Variants in MRPL13 observed in about 807,000 individuals in gnomAD.
MRPL13 encodes large ribosomal subunit protein uL13m.
MRPL13 carries 33 observed loss-of-function variants against 29.0 expected under a neutral mutation model. That is an observed-to-expected ratio of 1.14 (90% confidence interval 0.86 to 1.52). MRPL13 has a LOEUF of 1.52. Ranked by LOEUF, MRPL13 falls within the 40% of genes most tolerant of loss-of-function variation. The pLI, the probability that MRPL13 is intolerant of heterozygous loss-of-function variation, is 0.00. For synonymous variants in MRPL13, 77 were observed against 68.4 expected (o/e 1.13, Z -0.62); for missense variants, 227 against 216.7 (o/e 1.05, Z -0.30).
chr8:120,405,444 G>C (rs1812655380), intron 6 of MRPL13, among the ~76,000 whole-genome samples: 1 of 152,186 alleles, frequency 6.6e-6, no homozygotes, highest in Non-Finnish European at 1.5e-5. Flanking sequence ...CTTATTCTGT[G>C]GAGGGGCTCA....
At chr8:120,443,660 G>C (rs1813160378) in intron 1 of MRPL13, among the ~76,000 whole-genome samples, 1 of 150,840 alleles carries the variant, frequency 6.6e-6, no homozygotes, top group African/African-American at 2.4e-5. Flanking sequence ...AATCTGGAGG[G>C]GCAATGAGAA....
intron 2 of MRPL13, among the ~76,000 whole-genome samples, chr8:120,440,500 G>A (rs969832063): frequency 3.9e-5 from 6 of 151,900 alleles, no homozygotes; most frequent in African/African-American, 1.5e-4. Flanking sequence ...GGCTTCTCGG[G>A]AGGCTAAAGC....
chr8:120,408,860 T>A (rs977459782), intron 6 of MRPL13, among the ~76,000 whole-genome samples: 1 of 152,250 alleles, frequency 6.6e-6, no homozygotes, highest in African/African-American at 2.4e-5. Context: ...CTTAAATCCG[T>A]GCTCTCTTCT....
chr8:120,414,242 T>A (rs1563772862), intron 5 of MRPL13, 130 bp from the exon 6 acceptor site: 2 of 762,934 alleles, frequency 2.6e-6, no homozygotes, highest in Non-Finnish European at 3.6e-6. Context: ...ATAAAATCTT[T>A]AAAATAAAAA....
At chr8:120,401,896 C>T (rs1473544837) in intron 6 of MRPL13, among the ~76,000 whole-genome samples, 2 of 152,134 alleles carry the variant, frequency 1.3e-5, no homozygotes, top group East Asian at 3.9e-4. Flanking sequence ...AACTCCCATT[C>T]ACAATTGCTA....
chr8:120,410,242 G>A (rs1812725390), intron 6 of MRPL13, among the ~76,000 whole-genome samples: 1 of 152,202 alleles, frequency 6.6e-6, no homozygotes, highest in African/African-American at 2.4e-5. Flanking sequence ...GTGGCGCAAT[G>A]CAGGTACATT....
chr8:120,443,459 G>C (rs991464662), intron 1 of MRPL13, 151 bp from the exon 2 acceptor site: 1 of 869,370 alleles, frequency 1.2e-6, no homozygotes, highest in Non-Finnish European at 1.6e-6. Context: ...TATTGCTAAA[G>C]AATTTTTGTT....
chr8:120,422,432 T>C (rs942909080), intron 4 of MRPL13, among the ~76,000 whole-genome samples: 14 of 151,396 alleles, frequency 9.2e-5, no homozygotes, highest in Non-Finnish European at 7.4e-5. Flanking sequence ...TATTGGTGAC[T>C]AATGTATGAA....
intron 6 of MRPL13, among the ~76,000 whole-genome samples, chr8:120,401,422 C>T (rs1812596492): frequency 6.6e-6 from 1 of 152,072 alleles, no homozygotes; most frequent in African/African-American, 2.4e-5. Flanking sequence ...GCTCAACAGA[C>T]ACAGAAAAAG....
At position 120,422,246 on chromosome 8, in the gene MRPL13, A is replaced by G. The variant is rs542992702; in HGVS notation, c.307-2308T>C. ...GATATTTATTTTTATTATTTTAGGG[A>G]AACAAAAAATGATATTTTTAGGTCT... On this transcript the variant is annotated intron_variant, in intron 4 of 6. Transcript: ENST00000306185. Among the ~76,000 whole-genome samples, 7 of 151,888 alleles carry G rather than the reference A, an allele frequency of 4.6e-5. No homozygotes were observed. In the South Asian group the frequency reaches 8.3e-4, roughly 18 times the overall value.
intron 4 of MRPL13, among the ~76,000 whole-genome samples, chr8:120,421,348 T>C (rs910855542): frequency 6.6e-6 from 1 of 151,896 alleles, no homozygotes; most frequent in Non-Finnish European, 1.5e-5. Flanking sequence ...TACATCATTA[T>C]GAAAAATTTT....
Position 120,414,113 on chromosome 8 carries a change from C to A in MRPL13, c.394-1G>T. The A allele has an allele frequency of 6.5e-7, 1 of 1,535,454 alleles. No homozygotes were observed. The highest frequency in any genetic ancestry group is 1.3e-5 in the South Asian group (1 of 75,838). On this transcript the variant is annotated splice_acceptor_variant, in intron 5 of 6. Coordinates refer to ENST00000306185, the MANE Select transcript of MRPL13 (RefSeq NM_014078.6). LOFTEE classifies it high-confidence loss of function. Reference sequence around the variant, plus strand: ...TCTTAAGAATATCTTCTGGAATATACTACATTAAAAAAAAATTTAGACTTA... The same window carrying A: ...TCTTAAGAATATCTTCTGGAATATAATACATTAAAAAAAAATTTAGACTTA...
intron 6 of MRPL13, among the ~76,000 whole-genome samples, chr8:120,405,513 C>T (rs1448778661): frequency 6.6e-6 from 1 of 152,164 alleles, no homozygotes; most frequent in Non-Finnish European, 1.5e-5. Flanking sequence ...GGACCACATT[C>T]TAATTAGCAT....
Position 120,443,310 on chromosome 8 carries a change from T to G in MRPL13, c.28-2A>C. 6.8e-7 allele frequency: 1 copy of G among 1,478,348 alleles called. No homozygotes were observed. The highest frequency in any genetic ancestry group is 1.7e-5 in the African/African-American group (1 of 59,968). 91.6% of individuals were successfully genotyped at this position (1,478,348 alleles called of 1,614,324 possible). A position where few individuals can be genotyped will look rare whatever the true frequency, so the allele number is the denominator to read the frequency against. On this transcript the variant is annotated splice_acceptor_variant, in intron 1 of 6. Coordinates refer to ENST00000306185, the MANE Select transcript of MRPL13 (RefSeq NM_014078.6). LOFTEE classifies it high-confidence loss of function. ...TATTCTAGCAAAAGTGGCCCATTGC[T>G]TGGGGGGGAAAAAAAAAAAAAAGAA... is the stretch of plus-strand genomic sequence containing the variant.
Position 120,443,318 on chromosome 8 carries a change from G to GGAAAA in MRPL13, c.28-11_28-10insTTTTC. On this transcript the variant is annotated splice_polypyrimidine_tract_variant and intron_variant, in intron 1 of 6. Coordinates refer to ENST00000306185, the MANE Select transcript of MRPL13 (RefSeq NM_014078.6). ...CAAAAGTGGCCCATTGCTTGGGGGGGAAAAAAAAAAAAAAGAAGAGGAAAA... is the reference window on the plus strand; with the variant it reads ...CAAAAGTGGCCCATTGCTTGGGGGGGGAAAAAAAAAAAAAAAAAAGAAGAGGAAAA... 7.3e-7 allele frequency: 1 copy of GGAAAA among 1,373,746 alleles called. No individual in the cohort carries two copies. The highest frequency in any genetic ancestry group is 1.4e-5 in the South Asian group (1 of 69,366). 85.1% of individuals were successfully genotyped at this position (1,373,746 alleles called of 1,614,324 possible). A position where few individuals can be genotyped will look rare whatever the true frequency, so the allele number is the denominator to read the frequency against.
intron 4 of MRPL13, among the ~76,000 whole-genome samples, chr8:120,423,909 G>A (rs890726187): frequency 6.6e-6 from 1 of 152,006 alleles, no homozygotes; most frequent in Non-Finnish European, 1.5e-5. Context: ...TTGTAGATTG[G>A]GAGGGAGGGT....
intron 2 of MRPL13, among the ~76,000 whole-genome samples, chr8:120,439,411 G>C (rs1013767772): frequency 6.6e-6 from 1 of 152,216 alleles, no homozygotes; most frequent in African/African-American, 2.4e-5. Flanking sequence ...TTGGTCACAA[G>C]TTCAGTGTTA....
chr8:120,432,662 C>G (rs1586926754), intron 2 of MRPL13, among the ~76,000 whole-genome samples: 1 of 152,168 alleles, frequency 6.6e-6, no homozygotes, highest in African/African-American at 2.4e-5. Context: ...GGAAAGGTTT[C>G]TTTCCAACCA....
At chr8:120,420,194 T>C (rs1812853669) in intron 4 of MRPL13, among the ~76,000 whole-genome samples, 1 of 151,786 alleles carries the variant, frequency 6.6e-6, no homozygotes, top group Non-Finnish European at 1.5e-5. Context: ...TATGTGCCAA[T>C]TTTAGATAGA....
Sources: allele counts gnomAD v4.1 joint callset (sites outside exome capture counted in the v4.1 genomes callset), GRCh38; gene constraint gnomAD v4.1.1; transcripts MANE v1.5; gene names NCBI Gene and HGNC (gene_info 2026-07-23, HGNC 2026-07-21).